The following IFT88 variants were observed in gnomAD, a reference collection of about 807,000 sequenced individuals.
IFT88 encodes intraflagellar transport 88.
In IFT88, 74 loss-of-function variants were observed where a neutral mutation model predicts 119.5. The ratio of observed to expected loss-of-function variants is 0.62; its 90% CI spans 0.51 to 0.75. The LOEUF (loss-of-function observed/expected upper bound fraction) is 0.75. Ranked by LOEUF, IFT88 falls within the 30% of genes least tolerant of loss-of-function variation. IFT88 has a pLI of 0.00. For synonymous variants in IFT88, 279 were observed against 316.7 expected (o/e 0.88, Z 1.26); for missense variants, 961 against 977.7 (o/e 0.98, Z 0.23).
chr13:20,611,587 C>T lies in IFT88; in HGVS notation c.1113-4206C>T, dbSNP rs143648774. 4.0e-3 allele frequency among the ~76,000 whole-genome samples: 596 copies of T among 149,610 alleles called. 17 individuals are homozygous for T. Among genetic ancestry groups the T allele is most frequent in the Admixed American group, 0.036 (534 of 15,002 alleles). On this transcript the variant is annotated intron_variant, in intron 13 of 25. Transcript: ENST00000351808. ...AGATCAGGAACAAGATAGGGATATC[C>T]GACTTTTACCAGTTTTTTGTTTTGT...
chr13:20,584,427 C>A (rs1216300130), intron 3 of IFT88, among the ~76,000 whole-genome samples: 1 of 151,978 alleles, frequency 6.6e-6, no homozygotes, highest in Non-Finnish European at 1.5e-5. Flanking sequence ...ATATTGTTTA[C>A]CTAAAAATTC....
chr13:20,688,934 ATTAAT>A (rs2058221943), intron 24 of IFT88, among the ~76,000 whole-genome samples: 1 of 151,890 alleles, frequency 6.6e-6, no homozygotes, highest in African/African-American at 2.4e-5. Flanking sequence ...TATTTAATTA[ATTAAT>A]TTATTTATTT....
At chr13:20,604,242 A>G (rs2043057891) in intron 12 of IFT88, among the ~76,000 whole-genome samples, 1 of 152,166 alleles carries the variant, frequency 6.6e-6, no homozygotes, top group Non-Finnish European at 1.5e-5. Context: ...TCTGTCTCAA[A>G]ACAAAACTAA....
intron 15 of IFT88, among the ~76,000 whole-genome samples, chr13:20,626,060 T>C (rs2047265471): frequency 2.0e-5 from 2 of 97,786 alleles, no homozygotes; most frequent in African/African-American, 4.4e-5. Context: ...TTTTTTTTTT[T>C]TTTTTTTTTT....
At chr13:20,604,147 GGGAAGA>G (rs1448632206) in intron 12 of IFT88, among the ~76,000 whole-genome samples, 1 of 152,162 alleles carries the variant, frequency 6.6e-6, no homozygotes, top group Non-Finnish European at 1.5e-5. Context: ...GAAGCTGAGT[GGGAAGA>G]TGGCTTGAGC....
At chr13:20,588,638 T>C (rs1197378250) in intron 3 of IFT88, among the ~76,000 whole-genome samples, 1 of 152,242 alleles carries the variant, frequency 6.6e-6, no homozygotes, top group Non-Finnish European at 1.5e-5. Flanking sequence ...AACAGCCTTG[T>C]GTGGCCAATG....
chr13:20,622,578 T>A (rs1013233266), intron 14 of IFT88, among the ~76,000 whole-genome samples: 1 of 152,246 alleles, frequency 6.6e-6, no homozygotes, highest in Non-Finnish European at 1.5e-5. Context: ...CCTAATGACA[T>A]ATGATGTCGA....
At chr13:20,613,653 A>G (rs1004249188) in intron 13 of IFT88, among the ~76,000 whole-genome samples, 2 of 140,972 alleles carry the variant, frequency 1.4e-5, no homozygotes, top group East Asian at 2.0e-4. Flanking sequence ...ATTATTCATA[A>G]TATCGAAAAA....
chr13:20,606,534 G>C (rs551451834), intron 13 of IFT88, among the ~76,000 whole-genome samples: 2 of 152,132 alleles, frequency 1.3e-5, no homozygotes, highest in Non-Finnish European at 2.9e-5. Flanking sequence ...CAGCTAAAAC[G>C]ATACTTAAAA....
At chr13:20,654,638 C>T (rs1197457909) in intron 21 of IFT88, among the ~76,000 whole-genome samples, 1 of 152,116 alleles carries the variant, frequency 6.6e-6, no homozygotes, top group East Asian at 1.9e-4. Flanking sequence ...CACCCAGTTT[C>T]GGGGGAGGTT....
chr13:20,597,632 T>C (rs1471610264), intron 9 of IFT88, among the ~76,000 whole-genome samples: 13 of 151,538 alleles, frequency 8.6e-5, no homozygotes, highest in Non-Finnish European at 1.9e-4. Flanking sequence ...TAGTCCCAGC[T>C]ACTTGGGAGG....
In IFT88 at chr13:20,583,028, A is replaced by G; in HGVS notation, c.153+9A>G. 1 of 1,592,458 alleles carries G rather than the reference A, an allele frequency of 6.3e-7. No individual in the cohort carries two copies. On this transcript the variant is annotated intron_variant, in intron 3 of 25. Transcript: ENST00000351808. ...ATGGCAGAAGACCTCCAGTAAGTGA[A>G]AAAAATTTTTTTTAAATTGTGGTAA...
At chr13:20,641,547 A>T in intron 18 of IFT88, 149 bp downstream of exon 18, 1 of 504,304 alleles carries the variant, frequency 2.0e-6, no homozygotes, top group South Asian at 3.6e-5. Flanking sequence ...TTATTGTGTG[A>T]TAAATATCAT....
rs1453004645 is a variant in IFT88, at chr13:20,638,473, G to T, written c.1528G>T (p.Ala510Ser). The change falls in exon 17 of 26, where the codon GCT becomes TCT. Residue 510 changes from alanine (A) to serine (S), a missense_variant. Physicochemically the swap from Ala to Ser is moderately conservative, Grantham distance 99. Coordinates refer to ENST00000351808, the MANE Select transcript of IFT88 (RefSeq NM_006531.5). ...YEKAAEFYKE[A>S]LRNDSSCTEA... ...GAAGGCCGCTGAATTCTATAAAGAG[G>T]CTCTAAGAAATGATTCTTCTTGTAC... The T allele has an allele frequency of 3.3e-6, 5 of 1,518,610 alleles. No homozygotes were observed. Among genetic ancestry groups the T allele is most frequent in the Non-Finnish European group, 4.4e-6 (5 of 1,140,926 alleles). 94.1% of individuals were successfully genotyped at this position (1,518,610 alleles called of 1,614,324 possible). A position where few individuals can be genotyped will look rare whatever the true frequency, so the allele number is the denominator to read the frequency against.
intron 16 of IFT88, among the ~76,000 whole-genome samples, chr13:20,632,357 G>A (rs1304160872): frequency 6.6e-6 from 1 of 152,142 alleles, no homozygotes; most frequent in East Asian, 1.9e-4. Context: ...AACTGTTCAT[G>A]CTGAGGTTGC....
chr13:20,623,361 C>T (rs1334650571), intron 14 of IFT88, among the ~76,000 whole-genome samples: 2 of 152,128 alleles, frequency 1.3e-5, no homozygotes, highest in Non-Finnish European at 2.9e-5. Context: ...AAGCCATGGA[C>T]ATTTTGGTAG....
chr13:20,688,146 G>C (rs2058142445), intron 24 of IFT88, among the ~76,000 whole-genome samples: 1 of 152,150 alleles, frequency 6.6e-6, no homozygotes, highest in African/African-American at 2.4e-5. Context: ...GACCAGCCTG[G>C]CAAACAAGGT....
intron 20 of IFT88, among the ~76,000 whole-genome samples, chr13:20,650,445 A>G (rs77699872): frequency 0.012 from 1,895 of 152,270 alleles, 44 homozygotes; most frequent in African/African-American, 0.044. Flanking sequence ...AAATACTCCA[A>G]TCAGGAATAG....
Position 20,597,069 on chromosome 13 carries a change from C to T in IFT88, c.544C>T (p.Arg182Ter), listed in dbSNP as rs772604977. ...GRKERVLVRQ[R>*]EQVTTPENIN... ...AAAAGAGAGAGTCCTGGTGAGACAG[C>T]GAGAACAAGTTACAACTCCAGAAAA... Residue 182 changes from arginine to a stop codon, truncating the protein, a stop_gained, in exon 9 of 26, where the codon CGA (arginine) becomes TGA (stop). Transcript: ENST00000351808. LOFTEE classifies it high-confidence loss of function. The T allele has an allele frequency of 2.0e-5, 32 of 1,607,418 alleles. No individual in the cohort carries two copies. Among genetic ancestry groups the T allele is most frequent in the Non-Finnish European group, 2.4e-5 (28 of 1,176,544 alleles).
Sources: allele counts gnomAD v4.1 joint callset (sites outside exome capture counted in the v4.1 genomes callset), GRCh38; gene constraint gnomAD v4.1.1; transcripts MANE v1.5; gene names NCBI Gene and HGNC (gene_info 2026-07-23, HGNC 2026-07-21).